The following B3GALNT2 variants were observed in gnomAD, a reference collection of about 807,000 sequenced individuals.
The protein encoded by B3GALNT2 is beta-1,3-N-acetylgalactosaminyltransferase 2, also known as UDP-GalNAc:beta-1,3-N-acetylgalactosaminyltransferase 2.
In B3GALNT2, 53 loss-of-function variants were observed where a neutral mutation model predicts 61.1. The ratio of observed to expected loss-of-function variants is 0.87; its 90% CI spans 0.70 to 1.09. The LOEUF (loss-of-function observed/expected upper bound fraction) is 1.09. Ranked by LOEUF, B3GALNT2 falls within the 50% of genes least tolerant of loss-of-function variation. The probability of loss-of-function intolerance (pLI) is 0.00; values close to 1 mark genes in which losing one functional copy is unlikely to be tolerated. For synonymous variants in B3GALNT2, 223 were observed against 237.4 expected (o/e 0.94, Z 0.56); for missense variants, 544 against 623.0 (o/e 0.87, Z 1.35).
chr1:235,495,483 C>A (rs1685276201), intron 1 of B3GALNT2, among the ~76,000 whole-genome samples: 1 of 151,920 alleles, frequency 6.6e-6, no homozygotes, highest in Non-Finnish European at 1.5e-5. Flanking sequence ...AGCCAGTAAA[C>A]CTTTCACTAC....
At position 235,447,673 on chromosome 1, in the gene B3GALNT2, G is replaced by GGAA. The variant is rs1682482229; in HGVS notation, c.*2530_*2532dup. Among the ~76,000 whole-genome samples, 1 of 152,196 alleles carries GGAA rather than the reference G, an allele frequency of 6.6e-6. No individual in the cohort carries two copies. Among genetic ancestry groups the GGAA allele is most frequent in the Non-Finnish European group, 1.5e-5 (1 of 68,046 alleles). On this transcript the variant is annotated 3_prime_UTR_variant, in exon 12 of 12. Coordinates refer to ENST00000366600, the MANE Select transcript of B3GALNT2 (RefSeq NM_152490.5). ...CCAGTGTTCGTTCAGTAATTCATAA[G>GGAA]GAAGTCATCATAAAGGTTTAAAAAG...
chr1:235,494,859 G>A (rs780433808), intron 1 of B3GALNT2, 31 bp from the exon 2 acceptor site: 1 of 1,541,604 alleles, frequency 6.5e-7, no homozygotes, highest in South Asian at 1.2e-5. Flanking sequence ...TGAGAAATAA[G>A]TCATGTATCA....
Position 235,493,265 on chromosome 1 carries a change from G to C in B3GALNT2, c.260+1416C>G, listed in dbSNP as rs1270041216. ...AAAGGAAAAATCAGGGTAACACCAAGGGTTTTGGTCTGAGCAACTGGTGGA... is the reference window on the plus strand; with the variant it reads ...AAAGGAAAAATCAGGGTAACACCAACGGTTTTGGTCTGAGCAACTGGTGGA... On this transcript the variant is annotated intron_variant, in intron 2 of 11. Coordinates refer to ENST00000366600, the MANE Select transcript of B3GALNT2 (RefSeq NM_152490.5). 2.0e-5 allele frequency among the ~76,000 whole-genome samples: 3 copies of C among 152,160 alleles called. No homozygotes were observed. The South Asian group carries it at 6.2e-4, about 32-fold the overall frequency.
intron 11 of B3GALNT2, chr1:235,452,581 C>CT (rs1682975689): frequency 6.6e-6 from 1 of 150,788 alleles, no homozygotes. Flanking sequence ...GTCTCTCTCA[C>CT]TCTGTTGCCC....
chr1:235,453,391 A>C (rs1027603649), intron 10 of B3GALNT2, among the ~76,000 whole-genome samples: 3 of 152,110 alleles, frequency 2.0e-5, no homozygotes, highest in Admixed American at 2.0e-4. Context: ...CATGTACCTT[A>C]AGCTTCCAGG....
intron 6 of B3GALNT2, among the ~76,000 whole-genome samples, chr1:235,466,228 T>G (rs1683688672): frequency 7.6e-6 from 1 of 130,760 alleles, no homozygotes; most frequent in Non-Finnish European, 1.7e-5. Context: ...TTTTTAATTT[T>G]TCTTTTTTTT....
At chr1:235,475,984 G>A (rs1056104907) in intron 5 of B3GALNT2, among the ~76,000 whole-genome samples, 2 of 152,036 alleles carry the variant, frequency 1.3e-5, no homozygotes, top group African/African-American at 2.4e-5. Context: ...GACACCACAC[G>A]TGGCCTGCTT....
chr1:235,500,650 A>C (rs951488903), intron 1 of B3GALNT2, among the ~76,000 whole-genome samples: 60 of 152,360 alleles, frequency 3.9e-4, no homozygotes, highest in African/African-American at 1.4e-3. Context: ...AGCCTGTCAC[A>C]GATCTAATGA....
At chr1:235,475,439 G>C (rs533296456) in intron 5 of B3GALNT2, among the ~76,000 whole-genome samples, 1 of 152,126 alleles carries the variant, frequency 6.6e-6, no homozygotes, top group Admixed American at 6.5e-5. Context: ...CTATACTGGG[G>C]ACATGTGACT....
intron 2 of B3GALNT2, among the ~76,000 whole-genome samples, chr1:235,492,150 A>C (rs539781205): frequency 3.3e-5 from 5 of 152,364 alleles, no homozygotes; most frequent in African/African-American, 1.2e-4. Flanking sequence ...AAGAATGGAA[A>C]ATATGCCATA....
chr1:235,454,489 AGTG>A (rs1241378009), intron 9 of B3GALNT2, among the ~76,000 whole-genome samples, 174 bp from the exon 10 acceptor site: 1 of 152,012 alleles, frequency 6.6e-6, no homozygotes, highest in African/African-American at 2.4e-5. Context: ...CTCAGGCTGG[AGTG>A]TAGTGGTGCC....
intron 5 of B3GALNT2, among the ~76,000 whole-genome samples, chr1:235,476,668 G>C (rs1684296601): frequency 1.3e-5 from 2 of 151,976 alleles, no homozygotes; most frequent in South Asian, 4.1e-4. Flanking sequence ...TGGCCAACAT[G>C]GTAAAATCTT....
chr1:235,448,264 T>C lies in B3GALNT2; in HGVS notation c.*1942A>G. 1 of 954,622 alleles carries C rather than the reference T, an allele frequency of 1.0e-6. No homozygotes were observed. Among genetic ancestry groups the C allele is most frequent in the Non-Finnish European group, 1.7e-6 (1 of 587,158 alleles). 59.1% of individuals were successfully genotyped at this position (954,622 alleles called of 1,614,324 possible). A position where few individuals can be genotyped will look rare whatever the true frequency, so the allele number is the denominator to read the frequency against. ...AAGACAGATACAGCTATCATTGCAA[T>C]GATACTGTGGTCTCATCACATGAGC... is the stretch of plus-strand genomic sequence containing the variant. On this transcript the variant is annotated 3_prime_UTR_variant, in exon 12 of 12. Transcript: ENST00000366600.
chr1:235,442,403 C>T (rs1187587563), downstream of B3GALNT2, among the ~76,000 whole-genome samples: 2 of 152,196 alleles, frequency 1.3e-5, no homozygotes, highest in Non-Finnish European at 2.9e-5. Flanking sequence ...CTCCTGACCT[C>T]AGGAGATCCA....
chr1:235,440,780 C>T, the B3GALNT2 span: 1 of 151,996 alleles, frequency 6.6e-6, no homozygotes, highest in African/African-American at 2.4e-5. Flanking sequence ...AGCTCTCGTC[C>T]CGAGGGCTCG....
In B3GALNT2 at chr1:235,465,733, T is replaced by C; in HGVS notation, c.763-19A>G. The C allele has an allele frequency of 6.2e-7, 1 of 1,607,964 alleles. No individual in the cohort carries two copies. The highest frequency in any genetic ancestry group is 8.5e-7 in the Non-Finnish European group (1 of 1,178,228). On this transcript the variant is annotated intron_variant, in intron 6 of 11. Transcript: ENST00000366600. The stretch of plus-strand genomic sequence containing the variant: ...CCCCAGCCTGAAAGGAATAAGAATG[T>C]ACTCAGTGATTCATTACTAAAAATA...
chr1:235,476,579 G>C (rs1197617660), intron 5 of B3GALNT2, among the ~76,000 whole-genome samples: 2 of 152,082 alleles, frequency 1.3e-5, no homozygotes, highest in African/African-American at 4.8e-5. Flanking sequence ...GCCAGGCGTG[G>C]TGGCTCATGT....
intron 1 of B3GALNT2, 88 bp downstream of exon 1, chr1:235,504,053 C>T: frequency 4.2e-6 from 5 of 1,189,968 alleles, no homozygotes; most frequent in Non-Finnish European, 4.2e-6. Context: ...TCCCCCGCCT[C>T]CAACAATTCC....
At chr1:235,485,348 C>T (rs1218329716) in intron 3 of B3GALNT2, among the ~76,000 whole-genome samples, 2 of 152,196 alleles carry the variant, frequency 1.3e-5, no homozygotes. Flanking sequence ...GACAGTCACC[C>T]AGTCACCCAG....
Sources: gnomAD v4.1 joint callset for allele counts (sites outside exome capture counted in the v4.1 genomes callset) on GRCh38, gnomAD v4.1.1 for gene constraint, MANE v1.5 for transcripts, NCBI Gene and HGNC (gene_info 2026-07-23, HGNC 2026-07-21) for gene names.